Variants in CCDC25 observed in about 807,000 individuals in gnomAD.
CCDC25 encodes coiled-coil domain-containing protein 25.
CCDC25 carries 16 observed loss-of-function variants against 35.3 expected under a neutral mutation model. That is an observed-to-expected ratio of 0.45 (90% CI 0.31 to 0.69). The LOEUF is 0.69. CCDC25 is among the 30% of genes least tolerant of loss of function. CCDC25 has a pLI of 0.06. For synonymous variants in CCDC25, 79 were observed against 80.3 expected, an observed-to-expected ratio of 0.98 and a Z score of 0.09; for missense variants, 179 against 250.7, an observed-to-expected ratio of 0.71 and a Z score of 1.93.
At chr8:27,758,240 CT>C (rs1804085971) in intron 3 of CCDC25, among the ~76,000 whole-genome samples, 1 of 152,192 alleles carries the variant, frequency 6.6e-6, no homozygotes, top group Non-Finnish European at 1.5e-5. Flanking sequence ...TAGCCATTTT[CT>C]TAAGCACTAA....
chr8:27,740,507 A>G lies in CCDC25; in HGVS notation c.562T>C (p.Ser188Pro). The change falls in exon 8 of 9, where the codon TCA becomes CCA. Residue 188 changes from serine to proline, a missense_variant. Physicochemically the swap from Ser to Pro is moderately conservative, Grantham distance 74 (BLOSUM62 -1). Coordinates refer to ENST00000356537, the MANE Select transcript of CCDC25 (RefSeq NM_018246.3). ...GACATATTTTCAACTTTCATTAGTG[A>G]TGAATAGCTCCTAGAAGGAAAAAAA... is the stretch of plus-strand genomic sequence containing the variant. ...REMDELRSYS[S>P]LMKVENMSSN... The G allele has an allele frequency of 6.2e-7, 1 of 1,604,168 alleles. No individual in the cohort carries two copies. The highest frequency in any genetic ancestry group is 1.1e-5 in the South Asian group (1 of 90,384).
chr8:27,752,060 A>T (rs1419772478), intron 5 of CCDC25, among the ~76,000 whole-genome samples: 1 of 152,262 alleles, frequency 6.6e-6, no homozygotes. Flanking sequence ...GGAGGAGGGA[A>T]AGAAAAAGTA....
intron 8 of CCDC25, among the ~76,000 whole-genome samples, chr8:27,738,267 A>G (rs556600056): frequency 2.0e-5 from 1 of 49,244 alleles, no homozygotes; most frequent in African/African-American, 7.5e-5. Context: ...TATGGAAACA[A>G]AACAAAACAA....
chr8:27,754,948 CCTT>C (rs1803946288), intron 4 of CCDC25, among the ~76,000 whole-genome samples: 2 of 152,148 alleles, frequency 1.3e-5, no homozygotes, highest in African/African-American at 4.8e-5. Context: ...ACATGTATCT[CCTT>C]CTCTGTCAGC....
chr8:27,757,241 G>A (rs1413758633), intron 3 of CCDC25, among the ~76,000 whole-genome samples: 8 of 152,226 alleles, frequency 5.3e-5, no homozygotes, highest in South Asian at 2.1e-4. Flanking sequence ...ACAGTTTGGC[G>A]GAAACAGATG....
At position 27,749,018 on chromosome 8, in the gene CCDC25, G is replaced by C. The variant is rs145526392; in HGVS notation, c.245-420C>G. On this transcript the variant is annotated intron_variant, in intron 5 of 8. Coordinates refer to ENST00000356537, the MANE Select transcript of CCDC25 (RefSeq NM_018246.3). Reference sequence around the variant, plus strand: ...CCTGGACTCTATCCGGGACTACCACGAGCTAGCCGAGCCTCTCTGGAGAAG... The same window carrying C: ...CCTGGACTCTATCCGGGACTACCACCAGCTAGCCGAGCCTCTCTGGAGAAG... 8.9e-3 allele frequency among the ~76,000 whole-genome samples: 1,360 copies of C among 152,232 alleles called. 24 individuals carry two copies. The highest frequency in any genetic ancestry group is 0.012 in the Non-Finnish European group (811 of 68,004).
At chr8:27,750,611 T>G (rs1338086863) in intron 5 of CCDC25, among the ~76,000 whole-genome samples, 1 of 152,142 alleles carries the variant, frequency 6.6e-6, no homozygotes, top group East Asian at 1.9e-4. Context: ...AAATATTGGC[T>G]TTGGCTGTAG....
chr8:27,761,452 G>T (rs1804225400), intron 3 of CCDC25, among the ~76,000 whole-genome samples: 1 of 152,136 alleles, frequency 6.6e-6, no homozygotes, highest in African/African-American at 2.4e-5. Flanking sequence ...GAAGTTAAAT[G>T]TATTAATGGA....
At chr8:27,762,291 G>A (rs1304901737) in intron 3 of CCDC25, 128 bp downstream of exon 3, 2 of 743,092 alleles carry the variant, frequency 2.7e-6, no homozygotes, top group Admixed American at 5.2e-5. Flanking sequence ...GAAGGAACTG[G>A]CAGTCAGCTG....
At chr8:27,770,153 AAAAAC>A (rs757195536) in intron 1 of CCDC25, among the ~76,000 whole-genome samples, 24 of 152,120 alleles carry the variant, frequency 1.6e-4, no homozygotes, top group Non-Finnish European at 3.2e-4. Context: ...CAAAAAAACA[AAAAAC>A]AAAACAAAAC....
chr8:27,743,953 C>T (rs1055247470), intron 7 of CCDC25, among the ~76,000 whole-genome samples: 2 of 152,096 alleles, frequency 1.3e-5, no homozygotes, highest in Admixed American at 6.6e-5. Context: ...TTAAAAAATA[C>T]AAGTGATTAG....
intron 1 of CCDC25, among the ~76,000 whole-genome samples, chr8:27,771,068 G>A (rs190950705): frequency 3.0e-4 from 45 of 152,240 alleles, no homozygotes; most frequent in African/African-American, 9.4e-4. Context: ...ACATTATAAC[G>A]AAGCTGAAAA....
chr8:27,751,753 C>G (rs1803818356), intron 5 of CCDC25, among the ~76,000 whole-genome samples: 1 of 152,182 alleles, frequency 6.6e-6, no homozygotes, highest in South Asian at 2.1e-4. Context: ...TAAACCCCGC[C>G]CCTACCCTAA....
intron 7 of CCDC25, among the ~76,000 whole-genome samples, chr8:27,745,526 T>G (rs1803574678): frequency 6.6e-6 from 1 of 152,188 alleles, no homozygotes; most frequent in South Asian, 2.1e-4. Context: ...TTAAAACAGG[T>G]AATAGACACA....
chr8:27,747,432 A>C (rs1803643258), intron 7 of CCDC25, among the ~76,000 whole-genome samples: 1 of 152,190 alleles, frequency 6.6e-6, no homozygotes. Context: ...GCCCAGTGAG[A>C]ATCTTGCTGG....
chr8:27,766,464 T>G (rs1435442271), intron 1 of CCDC25, among the ~76,000 whole-genome samples: 1 of 152,038 alleles, frequency 6.6e-6, no homozygotes, highest in Non-Finnish European at 1.5e-5. Context: ...ATAACTGAAG[T>G]CCAGAAGTAG....
At chr8:27,753,454 T>C (rs1476416260) in intron 4 of CCDC25, among the ~76,000 whole-genome samples, 9 of 152,174 alleles carry the variant, frequency 5.9e-5, no homozygotes, top group Non-Finnish European at 1.5e-5. Context: ...CTCGTGCCTA[T>C]AATCTCAGCA....
chr8:27,757,989 A>G lies in CCDC25; in HGVS notation c.117-1219T>C, dbSNP rs138073195. Among the ~76,000 whole-genome samples, 326 of 152,288 alleles carry G rather than the reference A, an allele frequency of 2.1e-3. 2 individuals are homozygous for G. The highest frequency in any genetic ancestry group is 7.6e-3 in the African/African-American group (317 of 41,570). On this transcript the variant is annotated intron_variant, in intron 3 of 8. Transcript: ENST00000356537. ...TTCCCCTTTGCCTTCTGCCATGATT[A>G]AAAGTTCTATGAATGAGGCCTCCCA...
intron 1 of CCDC25, among the ~76,000 whole-genome samples, chr8:27,768,263 T>G (rs1040144057): frequency 6.6e-6 from 1 of 151,506 alleles, no homozygotes; most frequent in African/African-American, 2.4e-5. Flanking sequence ...AGACTGAAAT[T>G]ATGTCATAAT....
Sources: gnomAD v4.1 joint callset for allele counts (sites outside exome capture counted in the v4.1 genomes callset) on GRCh38, gnomAD v4.1.1 for gene constraint, MANE v1.5 for transcripts, NCBI Gene and HGNC (gene_info 2026-07-23, HGNC 2026-07-21) for gene names.